The following PLCL1 variants were observed in gnomAD, a reference collection of about 807,000 sequenced individuals.
PLCL1 encodes phospholipase C like 1 (inactive).
In PLCL1, 41 loss-of-function variants were observed where a neutral mutation model predicts 84.4. The ratio of observed to expected loss-of-function variants is 0.49; its 90% CI spans 0.38 to 0.63. PLCL1 has a LOEUF of 0.63. Ranked by LOEUF, PLCL1 falls within the 30% of genes least tolerant of loss-of-function variation. The pLI is 0.00. For synonymous variants in PLCL1, 490 were observed against 488.3 expected (o/e 1.00, Z -0.05); for missense variants, 1,206 against 1,367.8 (o/e 0.88, Z 1.87).
chr2:197,914,513 T>C (rs752475092), intron 1 of PLCL1, among the ~76,000 whole-genome samples: 10 of 152,054 alleles, frequency 6.6e-5, no homozygotes, highest in Non-Finnish European at 1.3e-4. Flanking sequence ...GTATTTTTAG[T>C]AGAGACGGGG....
At chr2:197,831,090 T>G (rs974310774) in intron 1 of PLCL1, among the ~76,000 whole-genome samples, 3 of 152,104 alleles carry the variant, frequency 2.0e-5, no homozygotes, top group Admixed American at 6.5e-5. Flanking sequence ...CCATTGACAC[T>G]ATAAGGAAAC....
intron 1 of PLCL1, among the ~76,000 whole-genome samples, chr2:197,981,053 CCTT>C (rs931932806): frequency 3.9e-5 from 6 of 152,130 alleles, no homozygotes; most frequent in Non-Finnish European, 7.4e-5. Context: ...TCTAATAAAA[CCTT>C]CTTCTTTTAA....
At chr2:198,007,518 C>T (rs747350303) in intron 1 of PLCL1, among the ~76,000 whole-genome samples, 2 of 152,226 alleles carry the variant, frequency 1.3e-5, no homozygotes, top group Non-Finnish European at 2.9e-5. Flanking sequence ...TACAATATTA[C>T]AGGCACAAGG....
At position 197,805,346 on chromosome 2, in the gene PLCL1, A is replaced by G. The variant is rs747056169; in HGVS notation, c.240+7A>G. On this transcript the variant is annotated splice_region_variant and intron_variant, in intron 1 of 5. Transcript: ENST00000428675. This position sits in a 1 kb window ranked among gnomAD's most constrained non-coding sequence, Gnocchi z 4.0. The stretch of plus-strand genomic sequence containing the variant: ...GCGCAGCAGCATCATCAAGGTAAGC[A>G]AAGCCGCGCCGCACCGGGAGCGTGG... The G allele has an allele frequency of 1.3e-5, 17 of 1,335,252 alleles. No individual in the cohort carries two copies. In the South Asian group the frequency reaches 2.3e-4, roughly 18 times the overall value. 82.7% of individuals were successfully genotyped at this position (1,335,252 alleles called of 1,614,324 possible).
chr2:197,808,020 G>T (rs1690516378), intron 1 of PLCL1, among the ~76,000 whole-genome samples: 1 of 152,152 alleles, frequency 6.6e-6, no homozygotes, highest in South Asian at 2.1e-4. Flanking sequence ...GGAAAACAAT[G>T]ACAACATTTA....
At chr2:197,980,521 C>T (rs1690081571) in intron 1 of PLCL1, among the ~76,000 whole-genome samples, 1 of 152,146 alleles carries the variant, frequency 6.6e-6, no homozygotes, top group Non-Finnish European at 1.5e-5. Flanking sequence ...CTGCTTTGCA[C>T]ATAAAAATTT....
intron 1 of PLCL1, among the ~76,000 whole-genome samples, chr2:197,962,599 G>A (rs998080448): frequency 6.6e-6 from 1 of 151,832 alleles, no homozygotes. Context: ...TGTTACAATG[G>A]TCCAATTATA....
intron 1 of PLCL1, among the ~76,000 whole-genome samples, chr2:198,082,421 G>T (rs1203032159): frequency 6.6e-6 from 1 of 151,926 alleles, no homozygotes; most frequent in Non-Finnish European, 1.5e-5. Context: ...TCCAGCCTGG[G>T]CAACAGAGCG....
chr2:197,860,129 T>C (rs1687401646), intron 1 of PLCL1, among the ~76,000 whole-genome samples: 1 of 152,168 alleles, frequency 6.6e-6, no homozygotes, highest in Admixed American at 6.5e-5. Context: ...ATGTGGTATG[T>C]GGTTTTCTAT....
intron 1 of PLCL1, among the ~76,000 whole-genome samples, chr2:197,867,892 T>C (rs1220545614): frequency 6.6e-6 from 1 of 152,192 alleles, no homozygotes; most frequent in East Asian, 1.9e-4. Context: ...TGCTGCTGTG[T>C]GCTGTAAATT....
chr2:197,863,805 C>A (rs1352287767), intron 1 of PLCL1, among the ~76,000 whole-genome samples: 2 of 152,092 alleles, frequency 1.3e-5, no homozygotes, highest in East Asian at 3.9e-4. Context: ...AACTTATTAC[C>A]TGTACACTTA....
At chr2:197,917,528 A>G (rs563882083) in intron 1 of PLCL1, among the ~76,000 whole-genome samples, 1 of 152,328 alleles carries the variant, frequency 6.6e-6, no homozygotes, top group South Asian at 2.1e-4. Flanking sequence ...GCTATTTTGT[A>G]TGATATTGTA....
At chr2:198,109,895 CA>C (rs1693573498) in intron 5 of PLCL1, among the ~76,000 whole-genome samples, 3 of 151,410 alleles carry the variant, frequency 2.0e-5, no homozygotes, top group African/African-American at 2.4e-5. Context: ...TCAATTTTAG[CA>C]GGCTGGAGAA....
intron 1 of PLCL1, among the ~76,000 whole-genome samples, chr2:197,939,521 T>C (rs946475525): frequency 2.0e-5 from 3 of 152,130 alleles, no homozygotes; most frequent in Non-Finnish European, 4.4e-5. Context: ...AGGCTTCTCT[T>C]CTCTGCCATC....
At chr2:197,853,906 A>G (rs7604700) in intron 1 of PLCL1, among the ~76,000 whole-genome samples, 110,608 of 152,032 alleles carry the variant, frequency 0.73, 41,277 homozygotes, top group African/African-American at 0.9. Flanking sequence ...TCAGTGCTGG[A>G]GATTCAGTGG....
intron 1 of PLCL1, among the ~76,000 whole-genome samples, chr2:197,850,498 C>T (rs927299997): frequency 2.6e-5 from 4 of 151,922 alleles, no homozygotes; most frequent in South Asian, 2.1e-4. Context: ...TAGGAATAAA[C>T]GAGCAAGCTT....
chr2:198,128,619 ACTTCT>A (rs1380698862), intron 5 of PLCL1, among the ~76,000 whole-genome samples: 2 of 152,032 alleles, frequency 1.3e-5, no homozygotes, highest in Non-Finnish European at 2.9e-5. Flanking sequence ...GGTCTGCAAA[ACTTCT>A]CAAGTACTGA....
At chr2:198,130,557 G>T (rs1479636187) in intron 5 of PLCL1, among the ~76,000 whole-genome samples, 1 of 151,998 alleles carries the variant, frequency 6.6e-6, no homozygotes, top group African/African-American at 2.4e-5. Context: ...CATTGTACCT[G>T]GGAGGTCACT....
intron 1 of PLCL1, among the ~76,000 whole-genome samples, chr2:198,046,094 G>A (rs551660920): frequency 4.3e-4 from 66 of 152,226 alleles, no homozygotes; most frequent in South Asian, 2.5e-3. Context: ...AGTCCAGTTT[G>A]CCATCTGTTT....
Sources: allele counts gnomAD v4.1 joint callset (sites outside exome capture counted in the v4.1 genomes callset), GRCh38; gene constraint gnomAD v4.1.1; non-coding constraint Gnocchi (gnomAD v3.1); transcripts MANE v1.5; gene names NCBI Gene and HGNC (gene_info 2026-07-23, HGNC 2026-07-21).